FAM81B: variants seen among roughly 807,000 people sequenced by gnomAD.
FAM81B encodes the protein family with sequence similarity 81 member B, also known as protein FAM81B.
In FAM81B, 60 loss-of-function variants were observed where a neutral mutation model predicts 58.7. The ratio of observed to expected loss-of-function variants is 1.02; its 90% CI spans 0.83 to 1.27. FAM81B has a LOEUF of 1.27. Among genes scored for constraint, FAM81B ranks in the 50% most tolerant of loss-of-function variants. The probability of loss-of-function intolerance (pLI) is 0.00; values close to 1 mark genes in which losing one functional copy is unlikely to be tolerated. For synonymous variants in FAM81B, 189 were observed against 179.6 expected (o/e 1.05, Z -0.42); for missense variants, 491 against 522.0 (o/e 0.94, Z 0.58).
intron 3 of FAM81B, among the ~76,000 whole-genome samples, chr5:95,407,236 G>T (rs1045432313): frequency 2.0e-5 from 3 of 151,076 alleles, no homozygotes; most frequent in Admixed American, 6.6e-5. Context: ...CTACCTGAGT[G>T]ATTCCAAAAA....
intron 6 of FAM81B, among the ~76,000 whole-genome samples, chr5:95,433,780 T>G (rs1174091859): frequency 6.6e-6 from 1 of 152,188 alleles, no homozygotes; most frequent in Non-Finnish European, 1.5e-5. Context: ...TTTAGTCTAC[T>G]GCTGTCTTGG....
intron 2 of FAM81B, among the ~76,000 whole-genome samples, chr5:95,394,657 A>G (rs917887428): frequency 2.6e-5 from 4 of 152,158 alleles, no homozygotes; most frequent in African/African-American, 9.7e-5. Flanking sequence ...GTGGCTTAAC[A>G]GCATTAGACC....
At chr5:95,391,606 A>G (rs1191450110) in intron 1 of FAM81B, 93 bp downstream of exon 1, 3 of 1,374,102 alleles carry the variant, frequency 2.2e-6, no homozygotes, top group Non-Finnish European at 2.9e-6. Context: ...ATGAATCCCA[A>G]TGAAGACCCT....
intron 6 of FAM81B, among the ~76,000 whole-genome samples, chr5:95,435,151 G>A (rs560789869): frequency 6.6e-6 from 1 of 152,318 alleles, no homozygotes; most frequent in East Asian, 1.9e-4. Flanking sequence ...GCATGGTCTG[G>A]ACACTCGTGA....
chr5:95,397,365 T>C (rs1042201198), intron 3 of FAM81B, among the ~76,000 whole-genome samples: 1 of 152,220 alleles, frequency 6.6e-6, no homozygotes, highest in Non-Finnish European at 1.5e-5. Context: ...GGACAATGAA[T>C]GTAGTATGCA....
intron 5 of FAM81B, chr5:95,424,224 G>C (rs1224190702): frequency 7.8e-7 from 1 of 1,289,496 alleles, no homozygotes; most frequent in Non-Finnish European, 1.0e-6. Context: ...AATAGTTATT[G>C]TTAGAATGCA....
chr5:95,440,207 T>TG (rs1046856907), intron 7 of FAM81B: 7 of 643,494 alleles, frequency 1.1e-5, no homozygotes, highest in African/African-American at 1.8e-5. Context: ...AAGAAGCTAT[T>TG]GACTGGCTTC....
chr5:95,426,565 C>T (rs1300373230), intron 5 of FAM81B, among the ~76,000 whole-genome samples: 1 of 152,188 alleles, frequency 6.6e-6, no homozygotes, highest in African/African-American at 2.4e-5. Flanking sequence ...TACAAAGTAA[C>T]ACTATTCAGG....
At chr5:95,431,874 T>C (rs1311045506) in intron 6 of FAM81B, among the ~76,000 whole-genome samples, 1 of 152,092 alleles carries the variant, frequency 6.6e-6, no homozygotes, top group Non-Finnish European at 1.5e-5. Context: ...CACAATCATA[T>C]GCTCTGTAAA....
At chr5:95,409,676 C>G (rs1305053358) in intron 3 of FAM81B, among the ~76,000 whole-genome samples, 1 of 152,166 alleles carries the variant, frequency 6.6e-6, no homozygotes, top group Non-Finnish European at 1.5e-5. Flanking sequence ...CTGACCTTCA[C>G]TGGGCAGTTG....
chr5:95,428,358 T>TC (rs1163635985), intron 5 of FAM81B, among the ~76,000 whole-genome samples: 1 of 152,154 alleles, frequency 6.6e-6, no homozygotes, highest in African/African-American at 2.4e-5. Flanking sequence ...TACCACAATA[T>TC]CCCCATGTAA....
At chr5:95,405,212 A>G (rs190268767) in intron 3 of FAM81B, among the ~76,000 whole-genome samples, 5 of 152,292 alleles carry the variant, frequency 3.3e-5, no homozygotes, top group African/African-American at 1.2e-4. Flanking sequence ...GACTAGCATT[A>G]ATGTCCCCCT....
At chr5:95,441,447 TAGTCCCAGCTACTCGGGA>T (rs1043725126) in intron 7 of FAM81B, among the ~76,000 whole-genome samples, 13 of 151,942 alleles carry the variant, frequency 8.6e-5, no homozygotes, top group Non-Finnish European at 1.6e-4. Flanking sequence ...CGGGCGCCTG[TAGTCCCAGCTACTCGGGA>T]GGCTGAAGCA....
In FAM81B at chr5:95,400,229, G is replaced by T. The variant is rs144857845; in HGVS notation, c.293+4054G>T. On this transcript the variant is annotated intron_variant, in intron 3 of 9. Coordinates refer to ENST00000283357, the MANE Select transcript of FAM81B (RefSeq NM_152548.3). ...GAGGTCTGAAATCAAAGTGCCAGCA[G>T]GACTGGTTCCTTCTGAGGGCTCCAA... Among the ~76,000 whole-genome samples, 243 of 152,272 alleles carry T rather than the reference G, an allele frequency of 1.6e-3. 1 individual carries two copies. The Middle Eastern group carries it at 0.034, about 21-fold the overall frequency.
chr5:95,450,109 T>C, intron 9 of FAM81B, 40 bp from the exon 10 acceptor site: 1 of 1,558,990 alleles, frequency 6.4e-7, no homozygotes, highest in Non-Finnish European at 8.6e-7. Flanking sequence ...AAAGCTCTAA[T>C]GCATTGTTTA....
intron 5 of FAM81B, chr5:95,423,925 A>T: frequency 2.1e-6 from 2 of 963,114 alleles, no homozygotes; most frequent in Non-Finnish European, 2.9e-6. Flanking sequence ...AGCATTACTT[A>T]GAGGCTCGGG....
chr5:95,428,647 T>G lies in FAM81B; in HGVS notation c.701T>G (p.Phe234Cys). 7 of 1,614,022 alleles carry G rather than the reference T, an allele frequency of 4.3e-6. No homozygotes were observed. The highest frequency in any genetic ancestry group is 5.9e-6 in the Non-Finnish European group (7 of 1,179,862). The part of the protein sequence containing the change: ...IVKLSGDIHL[F>C]RQEHRQIEKA... ...AAGCTTTCTGGAGACATTCACTTAT[T>G]CAGGCAAGAGCACCGGCAAATTGAG... is the stretch of plus-strand genomic sequence containing the variant. Residue 234 changes from phenylalanine (F) to cysteine (C), a missense_variant, in exon 6 of 10, where the codon TTC becomes TGC. Coordinates refer to ENST00000283357, the MANE Select transcript of FAM81B (RefSeq NM_152548.3).
intron 8 of FAM81B, among the ~76,000 whole-genome samples, chr5:95,447,091 A>G (rs1053969983): frequency 3.9e-5 from 6 of 152,176 alleles, no homozygotes; most frequent in African/African-American, 1.4e-4. Flanking sequence ...ATCTCTTAGT[A>G]GATTAAAAGT....
At chr5:95,401,081 T>C (rs183335953) in intron 3 of FAM81B, among the ~76,000 whole-genome samples, 1 of 152,298 alleles carries the variant, frequency 6.6e-6, no homozygotes, top group East Asian at 1.9e-4. Context: ...CCCTCACTGA[T>C]ACAGGGACTC....
Sources: gnomAD v4.1 joint callset for allele counts (sites outside exome capture counted in the v4.1 genomes callset) on GRCh38, gnomAD v4.1.1 for gene constraint, MANE v1.5 for transcripts, NCBI Gene and HGNC (gene_info 2026-07-23, HGNC 2026-07-21) for gene names.